Variants in CPNE5 observed in about 807,000 individuals in gnomAD.
The protein encoded by CPNE5 is copine 5.
A neutral mutation model predicts 81.1 loss-of-function variants in CPNE5; 42 were observed. That is an observed-to-expected ratio of 0.52 (90% confidence interval 0.40 to 0.67). The LOEUF is 0.67. CPNE5 is among the 30% of genes least tolerant of loss of function. The pLI is 0.00. For missense variants in CPNE5, 612 were observed against 815.5 expected, an observed-to-expected ratio of 0.75 and a Z score of 3.04; for synonymous variants, 313 against 321.5, an observed-to-expected ratio of 0.97 and a Z score of 0.28.
At position 36,798,788 on chromosome 6, in the gene CPNE5, G is replaced by T. The variant is rs1015253645; in HGVS notation, c.288-294C>A. 3.9e-5 allele frequency among the ~76,000 whole-genome samples: 6 copies of T among 152,052 alleles called. No individual in the cohort carries two copies. The South Asian group carries it at 8.3e-4, about 21-fold the overall frequency. ...TATATGTTATACCTCATTAAAAATG[G>T]AAAAAACTAAATCAATGAGCTCTGT... On this transcript the variant is annotated intron_variant, in intron 4 of 20. Coordinates refer to ENST00000244751, the MANE Select transcript of CPNE5 (RefSeq NM_020939.2).
Position 36,746,166 on chromosome 6 carries a change from A to C in CPNE5, c.1200+230T>G. On this transcript the variant is annotated intron_variant, in intron 16 of 20. Transcript: ENST00000244751. This position sits in a 1 kb window ranked among gnomAD's most constrained non-coding sequence, Gnocchi z 4.5. ...CACCTGCGTCTTGTCAGGAACAAGG[A>C]AGCCAGGGCCAGCTGTGGGCAGGCA... 1 of 985,386 alleles carries C rather than the reference A, an allele frequency of 1.0e-6. No individual in the cohort carries two copies. Among genetic ancestry groups the C allele is most frequent in the Non-Finnish European group, 1.2e-6 (1 of 829,898 alleles). 61.0% of individuals were successfully genotyped at this position (985,386 alleles called of 1,614,324 possible). A position where few individuals can be genotyped will look rare whatever the true frequency, so the allele number is the denominator to read the frequency against.
chr6:36,821,866 C>T (rs970974553), intron 3 of CPNE5, among the ~76,000 whole-genome samples: 1 of 152,164 alleles, frequency 6.6e-6, no homozygotes, highest in Non-Finnish European at 1.5e-5. Flanking sequence ...GGGACTGGGG[C>T]TCCCTGAGAA....
intron 3 of CPNE5, among the ~76,000 whole-genome samples, chr6:36,817,149 A>G (rs1166793436): frequency 6.6e-6 from 1 of 152,102 alleles, no homozygotes; most frequent in African/African-American, 2.4e-5. Flanking sequence ...AACATGGTGA[A>G]ACCCTGTCTC....
At chr6:36,749,121 A>G (rs997085044) in intron 14 of CPNE5, among the ~76,000 whole-genome samples, 2 of 151,698 alleles carry the variant, frequency 1.3e-5, no homozygotes, top group Non-Finnish European at 2.9e-5. Flanking sequence ...CTTTTTGCAG[A>G]GATGGGGTCT....
intron 3 of CPNE5, among the ~76,000 whole-genome samples, chr6:36,812,839 GGA>G (rs983436386): frequency 8.5e-5 from 13 of 152,236 alleles, no homozygotes; most frequent in Admixed American, 1.3e-4. Flanking sequence ...TCTGCAAAAA[GGA>G]GAGAGTCCAG....
At chr6:36,796,471 C>T (rs1461354463) in intron 6 of CPNE5, among the ~76,000 whole-genome samples, 1 of 152,204 alleles carries the variant, frequency 6.6e-6, no homozygotes, top group African/African-American at 2.4e-5. Context: ...AGGGCATCTC[C>T]ATCCTGGCAA....
chr6:36,754,343 C>T (rs1386667717), intron 13 of CPNE5: 2 of 152,142 alleles, frequency 1.3e-5, no homozygotes, highest in Non-Finnish European at 2.9e-5. Context: ...CCCAGGGGCT[C>T]GCAGGGTGAA....
Position 36,839,275 on chromosome 6 carries a change from A to T in CPNE5, c.95+8T>A. On this transcript the variant is annotated splice_region_variant and intron_variant, in intron 1 of 20. Transcript: ENST00000244751. This position sits in a 1 kb window ranked among gnomAD's most constrained non-coding sequence, Gnocchi z 7.3. ...GGGGCAAGGGGACCCGGCCAGCGGG[A>T]GGCTCACCTGCAGGACACGGTGATC... 1 of 1,527,712 alleles carries T rather than the reference A, an allele frequency of 6.5e-7. No homozygotes were observed. The highest frequency in any genetic ancestry group is 8.8e-7 in the Non-Finnish European group (1 of 1,132,346). 94.6% of individuals were successfully genotyped at this position (1,527,712 alleles called of 1,614,324 possible).
intron 1 of CPNE5, among the ~76,000 whole-genome samples, chr6:36,833,963 C>T (rs1045396104): frequency 1.3e-5 from 2 of 151,908 alleles, no homozygotes; most frequent in African/African-American, 4.8e-5. Flanking sequence ...TGGCTCACAC[C>T]TAATCCCAGC....
At chr6:36,777,462 G>A (rs1032555993) in intron 9 of CPNE5, among the ~76,000 whole-genome samples, 18 of 152,080 alleles carry the variant, frequency 1.2e-4, no homozygotes, top group African/African-American at 3.6e-4. Flanking sequence ...CCTCCCAGCC[G>A]GCCCCAGCCA....
At chr6:36,762,124 G>A (rs907327254) in intron 12 of CPNE5, among the ~76,000 whole-genome samples, 2 of 151,456 alleles carry the variant, frequency 1.3e-5, no homozygotes, top group Non-Finnish European at 2.9e-5. Flanking sequence ...ATGGTGGTGC[G>A]TGCTTGTGGT....
intron 3 of CPNE5, among the ~76,000 whole-genome samples, chr6:36,804,849 C>T (rs779358134): frequency 6.6e-6 from 1 of 152,152 alleles, no homozygotes; most frequent in Non-Finnish European, 1.5e-5. Context: ...CCCAATAACT[C>T]CTAGAGCAGG....
At position 36,746,769 on chromosome 6, in the gene CPNE5, C is replaced by T. The variant is rs370534378; in HGVS notation, c.1019-192G>A. Among the ~76,000 whole-genome samples the T allele has an allele frequency of 3.3e-5, 5 of 152,088 alleles. No individual in the cohort carries two copies. The East Asian group carries it at 9.6e-4, about 29-fold the overall frequency. ...TCCCTCCTCCGCCTCTCCTCCTCCCCATACCACCACCCTCTTGCTTATAGG... is the reference window on the plus strand; with the variant it reads ...TCCCTCCTCCGCCTCTCCTCCTCCCTATACCACCACCCTCTTGCTTATAGG... On this transcript the variant is annotated intron_variant, in intron 15 of 20. Coordinates refer to ENST00000244751, the MANE Select transcript of CPNE5 (RefSeq NM_020939.2). The surrounding 1 kb of genome is among the most constrained non-coding windows in gnomAD (Gnocchi z 4.5).
At chr6:36,837,274 G>A (rs1455915901) in intron 1 of CPNE5, among the ~76,000 whole-genome samples, 1 of 152,254 alleles carries the variant, frequency 6.6e-6, no homozygotes, top group Admixed American at 6.5e-5. Flanking sequence ...AGCTACCTTG[G>A]TGAACAAGGT....
intron 10 of CPNE5, among the ~76,000 whole-genome samples, chr6:36,771,618 G>A (rs1242556790): frequency 6.6e-6 from 1 of 152,182 alleles, no homozygotes; most frequent in Non-Finnish European, 1.5e-5. Context: ...GGCCCCCACA[G>A]CACCCAACAC....
chr6:36,765,343 C>G lies in CPNE5; in HGVS notation c.771G>C (p.Arg257=). 2 of 1,614,124 alleles carry G rather than the reference C, an allele frequency of 1.2e-6. No individual in the cohort carries two copies. Among genetic ancestry groups the G allele is most frequent in the South Asian group, 1.1e-5 (1 of 91,090 alleles). ...TIKVEVYDWD[R]DGSHDFIGEF... ...CCCTCCTGCCTGCTTACCTGCCGTC[C>G]CGATCCCAGTCGTACACCTCCACCT... Residue 257 remains arginine (R), a synonymous_variant, in exon 11 of 21, where the codon CGG becomes CGC. Coordinates refer to ENST00000244751, the MANE Select transcript of CPNE5 (RefSeq NM_020939.2).
chr6:36,791,754 G>A (rs1467625003), intron 8 of CPNE5, among the ~76,000 whole-genome samples: 1 of 152,200 alleles, frequency 6.6e-6, no homozygotes, highest in East Asian at 1.9e-4. Flanking sequence ...GCTGTGATGG[G>A]GAGGGGAGGG....
At chr6:36,777,085 T>C (rs1314514868) in intron 9 of CPNE5, among the ~76,000 whole-genome samples, 1 of 152,120 alleles carries the variant, frequency 6.6e-6, no homozygotes, top group Non-Finnish European at 1.5e-5. Flanking sequence ...TGCCCCCAAA[T>C]AAACTCCCAT....
At chr6:36,834,825 G>C (rs1773329606) in intron 1 of CPNE5, among the ~76,000 whole-genome samples, 1 of 152,058 alleles carries the variant, frequency 6.6e-6, no homozygotes, top group Non-Finnish European at 1.5e-5. Context: ...TCTTTTCCTA[G>C]CACTGGCTTT....
Sources: allele counts gnomAD v4.1 joint callset (sites outside exome capture counted in the v4.1 genomes callset), GRCh38; gene constraint gnomAD v4.1.1; non-coding constraint Gnocchi (gnomAD v3.1); transcripts MANE v1.5; gene names NCBI Gene and HGNC (gene_info 2026-07-23, HGNC 2026-07-21).